The following SLC11A1 variants were observed in gnomAD, a reference collection of about 807,000 sequenced individuals.
SLC11A1 encodes the protein solute carrier family 11 member 1.
A neutral mutation model predicts 63.2 loss-of-function variants in SLC11A1; 59 were observed. The ratio of observed to expected loss-of-function variants is 0.93; its 90% CI spans 0.76 to 1.16. SLC11A1 has a LOEUF of 1.16. Ranked by LOEUF, SLC11A1 falls within the 50% of genes most tolerant of loss-of-function variation. The probability of loss-of-function intolerance (pLI) is 0.00; values close to 1 mark genes in which losing one functional copy is unlikely to be tolerated. For synonymous variants in SLC11A1, 305 were observed against 307.8 expected (o/e 0.99, Z 0.09); for missense variants, 688 against 730.7 (o/e 0.94, Z 0.67).
At position 218,393,070 on chromosome 2, in the gene SLC11A1, C is replaced by G; in HGVS notation, c.1254C>G (p.Phe418Leu). 1 of 1,598,872 alleles carries G rather than the reference C, an allele frequency of 6.3e-7. No homozygotes were observed. The highest frequency in any genetic ancestry group is 8.5e-7 in the Non-Finnish European group (1 of 1,176,692). Residue 418 changes from phenylalanine to leucine, a missense_variant, in exon 12 of 15, where the codon TTC becomes TTG. Physicochemically the swap from Phe to Leu is conservative, Grantham distance 22. Coordinates refer to ENST00000233202, the MANE Select transcript of SLC11A1 (RefSeq NM_000578.4). ...TGCCCACCGTGCTCGTGGCTGTCTTCCGGGACCTGAGGGACTTGTCGGGCC... is the reference window on the plus strand; with the variant it reads ...TGCCCACCGTGCTCGTGGCTGTCTTGCGGGACCTGAGGGACTTGTCGGGCC... The part of the protein sequence containing the change: ...AILPTVLVAV[F>L]RDLRDLSGLN...
Position 218,386,728 on chromosome 2 carries a change from C to A in SLC11A1, c.487C>A (p.Leu163Ile). The A allele has an allele frequency of 1.2e-6, 2 of 1,613,582 alleles. No homozygotes were observed. Among genetic ancestry groups the A allele is most frequent in the Non-Finnish European group, 1.7e-6 (2 of 1,179,506 alleles). ...CGGCACGGCCATTGCATTCAATCTG[C>A]TCTCAGCTGGACGGTACCACCCCAG... Reference protein sequence around the residue: ...VIGTAIAFNLLSAGRIPLWGG... With the variant: ...VIGTAIAFNLISAGRIPLWGG... The change falls in exon 5 of 15, where the codon CTC becomes ATC. Residue 163 changes from leucine (L) to isoleucine (I), a missense_variant. By Grantham distance (5) the Leu-to-Ile change is conservative. Transcript: ENST00000233202.
At chr2:218,388,515 C>G in intron 8 of SLC11A1, 1 of 150,102 alleles carries the variant, frequency 6.7e-6, no homozygotes, top group Non-Finnish European at 1.5e-5. Context: ...AATTATAGGC[C>G]GGGCGCAGTG....
chr2:218,388,825 T>C (rs1051822525), intron 8 of SLC11A1, among the ~76,000 whole-genome samples: 2 of 150,182 alleles, frequency 1.3e-5, no homozygotes, highest in African/African-American at 4.9e-5. Flanking sequence ...GAACAAGAAC[T>C]ATAGAGCTGG....
chr2:218,382,825 G>C (rs1695873951), intron 1 of SLC11A1, 135 bp from the exon 2 acceptor site: 2 of 1,018,992 alleles, frequency 2.0e-6, no homozygotes, highest in Admixed American at 4.1e-5. Context: ...AGGTGGAGGT[G>C]ATGGACCCAA....
intron 1 of SLC11A1, 64 bp from the exon 2 acceptor site, chr2:218,382,896 C>A: frequency 6.2e-7 from 1 of 1,601,508 alleles, no homozygotes; most frequent in South Asian, 1.1e-5. Context: ...AAGGATCAGG[C>A]GGCTTTAACT....
chr2:218,394,531 T>C, intron 13 of SLC11A1, 101 bp from the exon 14 acceptor site: 1 of 1,341,634 alleles, frequency 7.5e-7, no homozygotes, highest in Non-Finnish European at 1.0e-6. Flanking sequence ...GCGGCCTCAG[T>C]GTATCCCCAC....
chr2:218,391,999 G>A lies in SLC11A1; in HGVS notation c.1164+504G>A, dbSNP rs150614235. 6.0e-3 allele frequency: 1,674 copies of A among 279,360 alleles called. 13 individuals are homozygous for A. The highest frequency in any genetic ancestry group is 9.4e-3 in the South Asian group (337 of 35,714). 17.3% of individuals were successfully genotyped at this position (279,360 alleles called of 1,614,324 possible). On this transcript the variant is annotated intron_variant, in intron 11 of 14. Transcript: ENST00000233202. ...TCTCAAACTCTTGACCTCGTGATCC[G>A]CCCGCCTTGGACTCCTGAAGTGCTG...
chr2:218,388,671 G>A (rs919902940), intron 8 of SLC11A1, among the ~76,000 whole-genome samples: 7 of 151,862 alleles, frequency 4.6e-5, no homozygotes, highest in South Asian at 2.1e-4. Flanking sequence ...AAGTGGTGGC[G>A]CGTGCCTGTA....
At position 218,384,355 on chromosome 2, in the gene SLC11A1, C is replaced by T. The variant is rs200307655; in HGVS notation, c.263C>T (p.Ala88Val). 198 of 1,601,814 alleles carry T rather than the reference C, an allele frequency of 1.2e-4. No homozygotes were observed. The highest frequency in any genetic ancestry group is 1.5e-4 in the Non-Finnish European group (179 of 1,171,536). ...TCAGATCTTCAGGCTGGCGCCGTGG[C>T]GGGATTCAAAGTAACTAAGTCGGGA... ...IESDLQAGAV[A>V]GFKLLWVLLW... Residue 88 changes from alanine to valine, a missense_variant, in exon 3 of 15, where the codon GCG becomes GTG. Ala to Val is a moderately conservative substitution (Grantham distance 64, BLOSUM62 0). Transcript: ENST00000233202. The surrounding 1 kb of genome is among the most constrained non-coding windows in gnomAD (Gnocchi z 4.0).
rs868076099 is a variant in SLC11A1 at position 218,384,326 on chromosome 2, C to T, written c.234C>T (p.Ile78=). The change falls in exon 3 of 15, where the codon ATC becomes ATT. Residue 78 remains isoleucine (I), a synonymous_variant. Coordinates refer to ENST00000233202, the MANE Select transcript of SLC11A1 (RefSeq NM_000578.4). This position sits in a 1 kb window ranked among gnomAD's most constrained non-coding sequence, Gnocchi z 4.0. ...TTGCTTTCCTGGACCCAGGAAACATCGAGTCAGATCTTCAGGCTGGCGCCG... is the reference window on the plus strand; with the variant it reads ...TTGCTTTCCTGGACCCAGGAAACATTGAGTCAGATCTTCAGGCTGGCGCCG... ...MSIAFLDPGN[I]ESDLQAGAVA... 2 of 1,607,920 alleles carry T rather than the reference C, an allele frequency of 1.2e-6. No individual in the cohort carries two copies. Among genetic ancestry groups the T allele is most frequent in the African/African-American group, 1.3e-5 (1 of 74,894 alleles).
intron 12 of SLC11A1, 121 bp from the exon 13 acceptor site, chr2:218,393,999 G>C (rs1696603150): frequency 1.2e-6 from 1 of 858,728 alleles, no homozygotes; most frequent in African/African-American, 1.7e-5. Flanking sequence ...TAGGCTCAGT[G>C]TGGTTAGGGC....
intron 13 of SLC11A1, 148 bp from the exon 14 acceptor site, chr2:218,394,484 G>A (rs1696641409): frequency 1.1e-6 from 1 of 877,388 alleles, no homozygotes. Context: ...GAGGTGGGGA[G>A]GGGGTCTGTC....
chr2:218,386,499 C>T (rs1343570970), intron 4 of SLC11A1, 136 bp from the exon 5 acceptor site: 3 of 625,668 alleles, frequency 4.8e-6, no homozygotes, highest in Non-Finnish European at 8.6e-6. Context: ...CTCCTGTATG[C>T]TCTTCCTACA....
intron 11 of SLC11A1, 81 bp from the exon 12 acceptor site, chr2:218,392,900 G>T: frequency 2.6e-6 from 3 of 1,160,420 alleles, no homozygotes; most frequent in Non-Finnish European, 3.6e-6. Flanking sequence ...GGGATAAATC[G>T]GTTGAGGGAC....
intron 12 of SLC11A1, among the ~76,000 whole-genome samples, chr2:218,393,596 C>T (rs1407081981): frequency 6.6e-6 from 1 of 151,548 alleles, no homozygotes; most frequent in African/African-American, 2.4e-5. Flanking sequence ...TCTGCCTCAG[C>T]CTCCTAAGTA....
At chr2:218,390,920 G>A (rs556292481) in intron 9 of SLC11A1, among the ~76,000 whole-genome samples, 1 of 152,020 alleles carries the variant, frequency 6.6e-6, no homozygotes, top group East Asian at 1.9e-4. Flanking sequence ...GGTGGCTCAC[G>A]CCTGTAATCC....
At position 218,396,261 on chromosome 2, in the gene SLC11A1, C is replaced by G. The variant is rs902929215; in HGVS notation, c.*1226C>G. ...GGGGAGCCCCCTCTGCCTTAGGGAG[C>G]GGCTGGGCACCCATTCGCCCCATTC... On this transcript the variant is annotated 3_prime_UTR_variant, in exon 15 of 15. Transcript: ENST00000233202. 2 of 152,470 alleles carry G rather than the reference C, an allele frequency of 1.3e-5. No individual in the cohort carries two copies. Among genetic ancestry groups the G allele is most frequent in the African/African-American group, 2.4e-5 (1 of 41,598 alleles). The allele number at this position is 152,470 out of a possible 1,614,324, so 9.4% of individuals were successfully genotyped here.
In SLC11A1 at chr2:218,384,146, T is replaced by G; in HGVS notation, c.151-97T>G. 7.4e-7 allele frequency: 1 copy of G among 1,349,406 alleles called. No individual in the cohort carries two copies. The highest frequency in any genetic ancestry group is 9.9e-7 in the Non-Finnish European group (1 of 1,007,710). 83.6% of individuals were successfully genotyped at this position (1,349,406 alleles called of 1,614,324 possible). A position where few individuals can be genotyped will look rare whatever the true frequency, so the allele number is the denominator to read the frequency against. On this transcript the variant is annotated intron_variant, in intron 2 of 14. Transcript: ENST00000233202. This position sits in a 1 kb window ranked among gnomAD's most constrained non-coding sequence, Gnocchi z 4.0. ...GCCATGGAGGGCAGGGCTGGGCTGATGAGCCTGTTGGGGCTCCTCTAGGGG... is the reference window on the plus strand; with the variant it reads ...GCCATGGAGGGCAGGGCTGGGCTGAGGAGCCTGTTGGGGCTCCTCTAGGGG...
intron 8 of SLC11A1, chr2:218,388,211 T>C: frequency 2.4e-6 from 1 of 418,240 alleles, no homozygotes; most frequent in Non-Finnish European, 4.3e-6. Flanking sequence ...CTACTAAAAA[T>C]ACAAAAACTA....
Sources: gnomAD v4.1 joint callset for allele counts (sites outside exome capture counted in the v4.1 genomes callset) on GRCh38, gnomAD v4.1.1 for gene constraint, Gnocchi (gnomAD v3.1) non-coding constraint, MANE v1.5 for transcripts, NCBI Gene and HGNC (gene_info 2026-07-23, HGNC 2026-07-21) for gene names.